CCDC88A: variants seen among roughly 807,000 people sequenced by gnomAD.
CCDC88A encodes girdin.
A neutral mutation model predicts 234.3 loss-of-function variants in CCDC88A; 54 were observed. The observed-to-expected ratio is 0.23, with a 90% confidence interval of 0.19 to 0.29. The LOEUF (loss-of-function observed/expected upper bound fraction) is 0.29. Ranked by LOEUF, CCDC88A falls within the 10% of genes least tolerant of loss-of-function variation. The probability of loss-of-function intolerance (pLI) is 1.00; values close to 1 mark genes in which losing one functional copy is unlikely to be tolerated. For missense variants in CCDC88A, 1,832 were observed against 2,123.4 expected (o/e 0.86, Z 2.70); for synonymous variants, 753 against 737.8 (o/e 1.02, Z -0.33).
At chr2:55,339,901 A>C (rs572156140) in intron 12 of CCDC88A, 1 of 284,500 alleles carries the variant, frequency 3.5e-6, no homozygotes, top group East Asian at 6.7e-5. Context: ...ATGTGCTCCT[A>C]GCTCACTGCA....
chr2:55,341,494 G>C (rs1013732804), intron 12 of CCDC88A, among the ~76,000 whole-genome samples: 1 of 148,102 alleles, frequency 6.8e-6, no homozygotes, highest in African/African-American at 2.5e-5. Flanking sequence ...ACCTAGGCTG[G>C]AGTGCAATAG....
Position 55,349,562 on chromosome 2 carries a change from C to G in CCDC88A, c.838G>C (p.Glu280Gln). Residue 280 changes from glutamate (E) to glutamine (Q), a missense_variant, in exon 9 of 33, where the codon GAA becomes CAA. Around this residue, in one of 6 missense-constraint regions of CCDC88A, gnomAD observed 1,282 missense variants for 1,543.6 expected, o/e 0.83. Transcript: ENST00000436346. ...AGTTCTATTTCCATTTGCTCAAGTT[C>G]TTGTTTACAATCCAACAACTGCTCA... ...KTEQLLDCKQ[E>Q]LEQMEIELKR... is the part of the protein sequence containing the mutation. 6.2e-7 allele frequency: 1 copy of G among 1,612,936 alleles called. No homozygotes were observed. The highest frequency in any genetic ancestry group is 8.5e-7 in the Non-Finnish European group (1 of 1,179,534).
intron 9 of CCDC88A, among the ~76,000 whole-genome samples, 167 bp from the exon 10 acceptor site, chr2:55,346,500 A>C (rs1574211854): frequency 6.6e-6 from 1 of 151,370 alleles, no homozygotes; most frequent in South Asian, 2.1e-4. Context: ...GCTCACTGCA[A>C]CCTCCGCCTC....
chr2:55,364,659 G>A (rs770282913), intron 5 of CCDC88A, among the ~76,000 whole-genome samples: 1 of 151,954 alleles, frequency 6.6e-6, no homozygotes, highest in Admixed American at 6.6e-5. Context: ...ATATATACAT[G>A]AGTACACACG....
chr2:55,311,369 AATGTTC>A (rs749204116), intron 23 of CCDC88A, among the ~76,000 whole-genome samples: 5 of 152,196 alleles, frequency 3.3e-5, no homozygotes, highest in Non-Finnish European at 5.9e-5. Flanking sequence ...ATAAAGAAAT[AATGTTC>A]CCTGCCTGAA....
intron 7 of CCDC88A, among the ~76,000 whole-genome samples, chr2:55,358,467 ACTCT>A (rs1198234239): frequency 6.6e-6 from 1 of 151,998 alleles, no homozygotes; most frequent in Non-Finnish European, 1.5e-5. Context: ...TTTCAATCAA[ACTCT>A]CTCTACTGCC....
chr2:55,358,308 T>C (rs761970438), intron 7 of CCDC88A, among the ~76,000 whole-genome samples: 1 of 152,200 alleles, frequency 6.6e-6, no homozygotes, highest in Non-Finnish European at 1.5e-5. Flanking sequence ...ACCAATGATA[T>C]GGATAGCAGA....
In CCDC88A at chr2:55,288,793, G is replaced by A. The variant is rs1411114478; in HGVS notation, c.*2407C>T. Reference sequence around the variant, plus strand: ...CAGCCAGATAATTTAAAGCATGTCAGGCCCCGGTTAGGAAAATGAAAATGG... The same window carrying A: ...CAGCCAGATAATTTAAAGCATGTCAAGCCCCGGTTAGGAAAATGAAAATGG... On this transcript the variant is annotated 3_prime_UTR_variant, in exon 33 of 33. Transcript: ENST00000436346. 2 of 152,174 alleles carry A rather than the reference G, an allele frequency of 1.3e-5. No homozygotes were observed. Among genetic ancestry groups the A allele is most frequent in the East Asian group, 3.8e-4 (2 of 5,200 alleles). 9.4% of individuals were successfully genotyped at this position (152,174 alleles called of 1,614,324 possible).
chr2:55,352,899 C>T (rs1670078302), intron 8 of CCDC88A, among the ~76,000 whole-genome samples: 1 of 152,026 alleles, frequency 6.6e-6, no homozygotes, highest in Non-Finnish European at 1.5e-5. Flanking sequence ...TTTTGTCTAC[C>T]ATGATTTCTG....
chr2:55,300,013 C>A (rs1435596535), intron 28 of CCDC88A, 94 bp from the exon 29 acceptor site: 2 of 851,276 alleles, frequency 2.3e-6, no homozygotes, highest in Non-Finnish European at 3.9e-6. Context: ...TTTGAGGAAG[C>A]AATCATGCAT....
rs745524381 is a variant in CCDC88A, at chr2:55,299,903, G to A, written c.4761C>T (p.Ser1587=). ...TAGTGGATGTTCTGCCACTATCAAG[G>A]CTGGCTGGTCTTGAAGCTAAATGAA... ...GSRVHASRPA[S]LDSGRTSTSN... Residue 1587 remains serine (S), a synonymous_variant, in exon 29 of 33, where the codon AGC becomes AGT. Coordinates refer to ENST00000436346, the MANE Select transcript of CCDC88A (RefSeq NM_001365480.1). The A allele has an allele frequency of 5.0e-6, 8 of 1,613,018 alleles. No individual in the cohort carries two copies. The highest frequency in any genetic ancestry group is 6.8e-6 in the Non-Finnish European group (8 of 1,179,176).
At chr2:55,382,157 T>C (rs1234265150) in intron 3 of CCDC88A, among the ~76,000 whole-genome samples, 1 of 152,208 alleles carries the variant, frequency 6.6e-6, no homozygotes, top group East Asian at 1.9e-4. Context: ...TTTTCTTGGC[T>C]ACTGAATTTT....
intron 15 of CCDC88A, among the ~76,000 whole-genome samples, chr2:55,333,690 G>A (rs1435929635): frequency 6.6e-6 from 1 of 152,040 alleles, no homozygotes; most frequent in African/African-American, 2.4e-5. Context: ...GGGTGTGTGT[G>A]TATATATTAT....
chr2:55,314,049 G>A (rs570124172), intron 22 of CCDC88A: 1 of 152,312 alleles, frequency 6.6e-6, no homozygotes, highest in South Asian at 2.1e-4. Flanking sequence ...GAAAGAGGTG[G>A]AAGTGATGGT....
At position 55,366,487 on chromosome 2, in the gene CCDC88A, A is replaced by G. The variant is rs1671970719; in HGVS notation, c.403-2454T>C. On this transcript the variant is annotated intron_variant, in intron 5 of 32. Transcript: ENST00000436346. The stretch of plus-strand genomic sequence containing the variant: ...GGTTGTAGTGAGCCAAGATTGCGCC[A>G]CTACACTCCAGCCTAGGCAACAGAG... 2.0e-5 allele frequency among the ~76,000 whole-genome samples: 3 copies of G among 151,522 alleles called. No homozygotes were observed. In the South Asian group the frequency reaches 6.3e-4, roughly 32 times the overall value.
intron 8 of CCDC88A, chr2:55,350,084 A>C (rs1574230204): frequency 6.6e-6 from 1 of 152,350 alleles, no homozygotes; most frequent in Admixed American, 6.6e-5. Context: ...TATGCGGGCT[A>C]ATTTTTTTAT....
chr2:55,393,289 G>GTTTTTTGTTTT (rs1676962261), intron 2 of CCDC88A, among the ~76,000 whole-genome samples: 1 of 61,658 alleles, frequency 1.6e-5, no homozygotes, highest in Non-Finnish European at 2.7e-5. Flanking sequence ...GGTTTTTTGG[G>GTTTTTTGTTTT]TTTTTTTTTT....
rs531386786 is a variant in CCDC88A at position 55,351,505 on chromosome 2, C to A, written c.801-1906G>T. Among the ~76,000 whole-genome samples, 8 of 152,166 alleles carry A rather than the reference C, an allele frequency of 5.3e-5. No homozygotes were observed. The South Asian group carries it at 1.7e-3, about 32-fold the overall frequency. On this transcript the variant is annotated intron_variant, in intron 8 of 32. Transcript: ENST00000436346. ...GGGACCACAGGCACATGCCACCACACCCCTAATTTTTAAAAATTATTTGTA... is the reference window on the plus strand; with the variant it reads ...GGGACCACAGGCACATGCCACCACAACCCTAATTTTTAAAAATTATTTGTA...
chr2:55,289,831 A>T lies in CCDC88A; in HGVS notation c.*1369T>A, dbSNP rs1444486959. On this transcript the variant is annotated 3_prime_UTR_variant, in exon 33 of 33. Coordinates refer to ENST00000436346, the MANE Select transcript of CCDC88A (RefSeq NM_001365480.1). ...TTTTCTTATGGTTACTGGGTTAGTG[A>T]TGAAACCCACAACTCATAAACCACA... 3 of 152,042 alleles carry T rather than the reference A, an allele frequency of 2.0e-5. No homozygotes were observed. The highest frequency in any genetic ancestry group is 4.4e-5 in the Non-Finnish European group (3 of 67,936). The allele number at this position is 152,042 out of a possible 1,614,324, so 9.4% of individuals were successfully genotyped here. A position where few individuals can be genotyped will look rare whatever the true frequency, so the allele number is the denominator to read the frequency against.
Sources: gnomAD v4.1 joint callset for allele counts (sites outside exome capture counted in the v4.1 genomes callset) on GRCh38, gnomAD v4.1.1 for gene constraint, gnomAD v4.1.1 regional missense constraint, MANE v1.5 for transcripts, NCBI Gene and HGNC (gene_info 2026-07-23, HGNC 2026-07-21) for gene names.